Variants in LRRIQ1 observed in about 807,000 individuals in gnomAD.
LRRIQ1 encodes the protein leucine-rich repeat- and IQ domain-containing protein 1.
Under a neutral mutation model 211.9 loss-of-function variants are expected in LRRIQ1, and 210 were observed. The observed-to-expected ratio is 0.99, with a 90% CI of 0.89 to 1.11. LRRIQ1 has a LOEUF of 1.11. Ranked by LOEUF, LRRIQ1 falls within the 50% of genes most tolerant of loss-of-function variation. The pLI, the probability that LRRIQ1 is intolerant of heterozygous loss-of-function variation, is 0.00. For missense variants in LRRIQ1, 2,136 were observed against 1,939.5 expected (o/e 1.10, Z -1.90); for synonymous variants, 699 against 650.1 (o/e 1.08, Z -1.14).
At chr12:85,227,279 CT>C (rs754130726) in intron 24 of LRRIQ1, among the ~76,000 whole-genome samples, 10 of 151,320 alleles carry the variant, frequency 6.6e-5, no homozygotes, top group Admixed American at 6.6e-5. Flanking sequence ...ATTTGCATTT[CT>C]TTTTTTTTAT....
intron 26 of LRRIQ1, among the ~76,000 whole-genome samples, chr12:85,235,530 G>A (rs1423816067): frequency 1.3e-5 from 2 of 152,148 alleles, no homozygotes; most frequent in African/African-American, 4.8e-5. Context: ...AGAGGACTAG[G>A]CGTTAATAGT....
At chr12:85,200,482 C>T (rs1298551962) in intron 24 of LRRIQ1, among the ~76,000 whole-genome samples, 1 of 152,122 alleles carries the variant, frequency 6.6e-6, no homozygotes, top group East Asian at 1.9e-4. Context: ...CTGACCATGA[C>T]TTCCAGTACT....
Position 85,047,425 on chromosome 12 carries a change from G to C in LRRIQ1, c.633G>C (p.Met211Ile). The change falls in exon 6 of 27, where the codon ATG becomes ATC. Residue 211 changes from methionine (M) to isoleucine (I), a missense_variant. Transcript: ENST00000393217. Reference protein sequence around the residue: ...QEEEEKRHCWMKQFKVEKKKL... With the variant: ...QEEEEKRHCWIKQFKVEKKKL... ...AAGAAGAAAAGCGACATTGCTGGAT[G>C]AAACAATTTAAAGTTGAAAAGAAGA... 1.2e-6 allele frequency: 2 copies of C among 1,613,248 alleles called. No homozygotes were observed. Among genetic ancestry groups the C allele is most frequent in the South Asian group, 2.2e-5 (2 of 90,952 alleles).
chr12:85,069,409 A>G (rs898947957), intron 10 of LRRIQ1, among the ~76,000 whole-genome samples: 77 of 152,210 alleles, frequency 5.1e-4, no homozygotes, highest in Non-Finnish European at 1.3e-4. Flanking sequence ...ATACATGTGC[A>G]TGTGTCTTTA....
chr12:85,153,290 G>A (rs1890349625), intron 21 of LRRIQ1, 145 bp downstream of exon 21: 2 of 871,368 alleles, frequency 2.3e-6, no homozygotes, highest in Admixed American at 3.0e-5. Context: ...TCATGGTCAT[G>A]AAGAGTTTTC....
Position 85,052,107 on chromosome 12 carries a change from A to G in LRRIQ1, c.679-70A>G, listed in dbSNP as rs554868578. On this transcript the variant is annotated intron_variant, in intron 6 of 26. Transcript: ENST00000393217. ...ATTGTTTACAAATATATGTTATGAG[A>G]ATCATATATAATTAACATAATATTT... is the stretch of plus-strand genomic sequence containing the variant. 293 of 865,060 alleles carry G rather than the reference A, an allele frequency of 3.4e-4. 1 individual carries two copies. The highest frequency in any genetic ancestry group is 6.0e-4 in the Admixed American group (22 of 36,510). The allele number at this position is 865,060 out of a possible 1,614,324, so 53.6% of individuals were successfully genotyped here.
At position 85,114,126 on chromosome 12, in the gene LRRIQ1, G is replaced by T. The variant is rs1050027585; in HGVS notation, c.3377+7511G>T. Among the ~76,000 whole-genome samples the T allele has an allele frequency of 6.6e-5, 10 of 151,972 alleles. 1 individual carries two copies. The highest frequency in any genetic ancestry group is 1.5e-4 in the Non-Finnish European group (10 of 68,000). On this transcript the variant is annotated intron_variant, in intron 15 of 26. Coordinates refer to ENST00000393217, the MANE Select transcript of LRRIQ1 (RefSeq NM_001079910.2). ...CCAAGTTTGGGATCCTCACTTTTAG[G>T]AGCTGGATCTTAAAGTGAAACTTCT... is the stretch of plus-strand genomic sequence containing the variant.
chr12:85,044,868 T>C (rs529782416), intron 4 of LRRIQ1, 59 bp downstream of exon 4: 25 of 716,804 alleles, frequency 3.5e-5, no homozygotes, highest in Non-Finnish European at 5.8e-5. Flanking sequence ...TTTTCTCTCT[T>C]ACACAAGATT....
chr12:85,113,769 C>CTGT (rs1191071570), intron 15 of LRRIQ1, among the ~76,000 whole-genome samples: 8 of 152,080 alleles, frequency 5.3e-5, no homozygotes, highest in Admixed American at 1.3e-4. Flanking sequence ...AGTACTCAGA[C>CTGT]TTCTAAAGTG....
In LRRIQ1 at chr12:85,098,981, A is replaced by C. The variant is rs768644704; in HGVS notation, c.3196A>C (p.Ile1066Leu). The C allele has an allele frequency of 4.5e-6, 7 of 1,561,008 alleles. No homozygotes were observed. Among genetic ancestry groups the C allele is most frequent in the Admixed American group, 1.8e-5 (1 of 54,248 alleles). Residue 1066 changes from isoleucine (I) to leucine (L), a missense_variant, in exon 13 of 27, where the codon ATC becomes CTC. By Grantham distance (5) the Ile-to-Leu change is conservative. Transcript: ENST00000393217. ...YWLPLLQNIT[I>L]SQNSLTKIVP... The stretch of plus-strand genomic sequence containing the variant: ...GCTGCCTTTACTACAAAATATTACT[A>C]TCTCTCAAAACAGGTAAAAGCATAC...
intron 11 of LRRIQ1, among the ~76,000 whole-genome samples, chr12:85,085,386 T>C (rs550250069): frequency 6.6e-6 from 1 of 152,286 alleles, no homozygotes; most frequent in African/African-American, 2.4e-5. Context: ...ATCTGCCACT[T>C]GGGTCTCTCC....
intron 24 of LRRIQ1, among the ~76,000 whole-genome samples, chr12:85,179,928 A>G (rs1389004819): frequency 2.0e-5 from 3 of 151,834 alleles, no homozygotes; most frequent in African/African-American, 7.2e-5. Flanking sequence ...GCTTCCTCCC[A>G]TCCTCAAAAC....
downstream of LRRIQ1, among the ~76,000 whole-genome samples, chr12:85,247,947 T>C: frequency 6.6e-6 from 1 of 151,714 alleles, no homozygotes; most frequent in Admixed American, 6.6e-5. Context: ...GCTATCTAAA[T>C]TTCTAATCTT....
rs1173262593 is a variant in LRRIQ1, at chr12:85,121,704, C to T, written c.3385C>T (p.Leu1129=). 1 of 1,572,782 alleles carries T rather than the reference C, an allele frequency of 6.4e-7. No individual in the cohort carries two copies. The highest frequency in any genetic ancestry group is 8.6e-7 in the Non-Finnish European group (1 of 1,162,540). The stretch of plus-strand genomic sequence containing the variant: ...TTTTGTTGTTTTCAATAGGGATTCT[C>T]TACTTAAAGTGTTGCCTGCTCTGAG... ...LLQETNWRDS[L]LKVLPALRIL... The change falls in exon 16 of 27, where the codon CTA becomes TTA. Residue 1129 remains leucine (L), a synonymous_variant. Transcript: ENST00000393217.
At position 85,055,670 on chromosome 12, in the gene LRRIQ1, A is replaced by G. The variant is rs752059594; in HGVS notation, c.877A>G (p.Lys293Glu). The G allele has an allele frequency of 2.5e-6, 4 of 1,604,718 alleles. No homozygotes were observed. Among genetic ancestry groups the G allele is most frequent in the Non-Finnish European group, 2.5e-6 (3 of 1,177,332 alleles). Residue 293 changes from lysine (K) to glutamate (E), a missense_variant, in exon 8 of 27, where the codon AAA becomes GAA. Coordinates refer to ENST00000393217, the MANE Select transcript of LRRIQ1 (RefSeq NM_001079910.2). ...QNNAAVKIQA[K>E]YKAFVAYQKY... ...TAATGCAGCTGTTAAAATTCAAGCT[A>G]AATATAAAGCATTTGTTGCCTATCA...
chr12:85,204,363 C>A (rs1389715093), intron 24 of LRRIQ1, among the ~76,000 whole-genome samples: 1 of 152,204 alleles, frequency 6.6e-6, no homozygotes, highest in Non-Finnish European at 1.5e-5. Flanking sequence ...CACAGAGCCC[C>A]TACTGGGGCA....
intron 24 of LRRIQ1, among the ~76,000 whole-genome samples, chr12:85,170,444 TGTATATGCATA>T (rs566293281): frequency 1.1e-3 from 173 of 150,824 alleles, no homozygotes; most frequent in African/African-American, 4.1e-3. Context: ...TACAAAAAAT[TGTATATGCATA>T]GTATATGCAC....
Position 85,121,762 on chromosome 12 carries a change from C to T in LRRIQ1, c.3443C>T (p.Ser1148Leu), listed in dbSNP as rs1393488672. 1.4e-5 allele frequency: 23 copies of T among 1,609,856 alleles called. No individual in the cohort carries two copies. Among genetic ancestry groups the T allele is most frequent in the Non-Finnish European group, 2.0e-5 (23 of 1,178,030 alleles). ...AATGGCAATATACTAAACTCTAATT[C>T]AGAAAGCCGCACTGAAGAACACAAT... ...ILNGNILNSN[S>L]ESRTEEHNQL... Residue 1148 changes from serine (S) to leucine (L), a missense_variant, in exon 16 of 27, where the codon TCA (serine) becomes TTA (leucine). Coordinates refer to ENST00000393217, the MANE Select transcript of LRRIQ1 (RefSeq NM_001079910.2).
At chr12:85,134,800 G>T (rs1889008059) in intron 18 of LRRIQ1, among the ~76,000 whole-genome samples, 1 of 151,952 alleles carries the variant, frequency 6.6e-6, no homozygotes, top group Non-Finnish European at 1.5e-5. Context: ...GAAGATCCAA[G>T]ACCCCATATA....
Sources: gnomAD v4.1 joint callset for allele counts (sites outside exome capture counted in the v4.1 genomes callset) on GRCh38, gnomAD v4.1.1 for gene constraint, MANE v1.5 for transcripts, NCBI Gene and HGNC (gene_info 2026-07-23, HGNC 2026-07-21) for gene names.